The following NBAS variants were observed in gnomAD, a reference collection of about 807,000 sequenced individuals.
NBAS encodes the protein NAG/BC035112 fusion.
A neutral mutation model predicts 302.5 loss-of-function variants in NBAS; 219 were observed. That is an observed-to-expected ratio of 0.72 (90% CI 0.65 to 0.81). The LOEUF is 0.81. Ranked by LOEUF, NBAS falls within the 30% of genes least tolerant of loss-of-function variation. The pLI is 0.00. For missense variants in NBAS, 2,932 were observed against 2,841.6 expected (o/e 1.03, Z -0.72); for synonymous variants, 1,118 against 1,021.6 (o/e 1.09, Z -1.80).
At chr2:15,393,212 A>T (rs1462635723) in intron 28 of NBAS, among the ~76,000 whole-genome samples, 4 of 152,086 alleles carry the variant, frequency 2.6e-5, no homozygotes, top group African/African-American at 4.8e-5. Context: ...ATTAAAAGGC[A>T]AATTTTTAAA....
chr2:14,992,414 T>A, the NBAS span, among the ~76,000 whole-genome samples: 1 of 152,192 alleles, frequency 6.6e-6, no homozygotes, highest in East Asian at 1.9e-4. Flanking sequence ...ATACATCCTG[T>A]TGTGCCTAAG....
At chr2:14,822,241 T>C in the NBAS span, among the ~76,000 whole-genome samples, 1 of 152,158 alleles carries the variant, frequency 6.6e-6, no homozygotes, top group Non-Finnish European at 1.5e-5. Context: ...GTTTTTACTA[T>C]TGCCAGAAGG....
At chr2:15,146,199 C>T in the NBAS span, among the ~76,000 whole-genome samples, 1 of 152,048 alleles carries the variant, frequency 6.6e-6, no homozygotes, top group Non-Finnish European at 1.5e-5. Context: ...TCAGTGTCCC[C>T]ATTTGTGCAG....
At chr2:15,423,017 G>A (rs1012922214) in intron 23 of NBAS, among the ~76,000 whole-genome samples, 2 of 152,132 alleles carry the variant, frequency 1.3e-5, no homozygotes, top group Admixed American at 1.3e-4. Flanking sequence ...CTAGGTGCAC[G>A]TTACAACAAC....
In NBAS at chr2:15,366,682, G is replaced by C; in HGVS notation, c.3715C>G (p.Pro1239Ala). The change falls in exon 32 of 52, where the codon CCT becomes GCT. Residue 1239 changes from proline (P) to alanine (A), a missense_variant. By Grantham distance (27) the Pro-to-Ala change is conservative (BLOSUM62 -1). Transcript: ENST00000281513. ...TCCTTGATGAGACTGATCCGATCAGGGCACAATCGCACTACAAAAGAAAGA... is the reference window on the plus strand; with the variant it reads ...TCCTTGATGAGACTGATCCGATCAGCGCACAATCGCACTACAAAAGAAAGA... Reference protein sequence around the residue: ...KILPLQVRLCPDRISLIKECI... With the variant: ...KILPLQVRLCADRISLIKECI... The C allele has an allele frequency of 6.2e-7, 1 of 1,613,902 alleles. No individual in the cohort carries two copies. Among genetic ancestry groups the C allele is most frequent in the Non-Finnish European group, 8.5e-7 (1 of 1,179,912 alleles).
At chr2:15,126,169 C>T in the NBAS span, among the ~76,000 whole-genome samples, 8 of 152,060 alleles carry the variant, frequency 5.3e-5, no homozygotes, top group Non-Finnish European at 1.0e-4. Context: ...TATAAAAGAG[C>T]GTGGCACCTC....
the NBAS span, among the ~76,000 whole-genome samples, chr2:15,087,959 G>A: frequency 1.3e-5 from 2 of 152,232 alleles, no homozygotes; most frequent in African/African-American, 2.4e-5. Flanking sequence ...AGTGAAAATC[G>A]TTAAGAACAG....
At chr2:15,451,831 C>A (rs1052443010) in intron 21 of NBAS, among the ~76,000 whole-genome samples, 11 of 151,836 alleles carry the variant, frequency 7.2e-5, no homozygotes, top group African/African-American at 2.7e-4. Context: ...GGGATTCAGG[C>A]AAAAATAGTG....
At chr2:15,373,203 T>C (rs1335903798) in intron 31 of NBAS, among the ~76,000 whole-genome samples, 1 of 152,200 alleles carries the variant, frequency 6.6e-6, no homozygotes, top group Non-Finnish European at 1.5e-5. Flanking sequence ...TACAAATGAA[T>C]AAAATTTTCC....
chr2:15,051,031 T>C, the NBAS span, among the ~76,000 whole-genome samples: 17 of 152,294 alleles, frequency 1.1e-4, no homozygotes, highest in Middle Eastern at 3.4e-3. Context: ...ATATTACTTA[T>C]CCTTTTCTCT....
chr2:15,075,731 T>C, the NBAS span, among the ~76,000 whole-genome samples: 1 of 151,462 alleles, frequency 6.6e-6, no homozygotes, highest in Admixed American at 6.6e-5. Context: ...TGTAGTATGA[T>C]GCCATTTATG....
At chr2:15,319,699 G>A (rs1201938509) in intron 38 of NBAS, among the ~76,000 whole-genome samples, 1 of 151,850 alleles carries the variant, frequency 6.6e-6, no homozygotes, top group Admixed American at 6.5e-5. Context: ...AAACCAGGAA[G>A]AAGTTGACTC....
rs187511292 is a variant in NBAS at position 15,379,806 on chromosome 2, G to A, written c.3386C>T (p.Ser1129Phe). 12 of 1,614,022 alleles carry A rather than the reference G, an allele frequency of 7.4e-6. No homozygotes were observed. The highest frequency in any genetic ancestry group is 1.6e-4 in the Middle Eastern group (1 of 6,062). Reference protein sequence around the residue: ...YEIFTESLLCSSRLENIHLAG... With the variant: ...YEIFTESLLCFSRLENIHLAG... ...CAGGTGGATGTTTTCAAGGCGACTA[G>A]AGCACAGAAGGCTTTCTGTAAATAT... is the stretch of plus-strand genomic sequence containing the variant. The change falls in exon 30 of 52, where the codon TCT (serine) becomes TTT (phenylalanine). Residue 1129 changes from serine (S) to phenylalanine (F), a missense_variant. By Grantham distance (155) the Ser-to-Phe change is radical. Transcript: ENST00000281513.
intron 42 of NBAS, among the ~76,000 whole-genome samples, chr2:15,280,378 G>A (rs1293594237): frequency 6.6e-6 from 1 of 152,088 alleles, no homozygotes; most frequent in Non-Finnish European, 1.5e-5. Context: ...GTGAATGGGA[G>A]AAGGGAGAAG....
At chr2:15,151,187 A>G in the NBAS span, among the ~76,000 whole-genome samples, 4 of 152,240 alleles carry the variant, frequency 2.6e-5, no homozygotes, top group Admixed American at 6.5e-5. Flanking sequence ...GGAGGATTTA[A>G]TGATCAATCA....
At chr2:15,389,987 CA>C (rs1383880399) in intron 28 of NBAS, among the ~76,000 whole-genome samples, 1 of 152,176 alleles carries the variant, frequency 6.6e-6, no homozygotes, top group Admixed American at 6.5e-5. Flanking sequence ...GCAGATAAAG[CA>C]CATGCAGGAT....
At chr2:15,400,955 A>T (rs1676121584) in intron 26 of NBAS, among the ~76,000 whole-genome samples, 1 of 152,162 alleles carries the variant, frequency 6.6e-6, no homozygotes, top group Non-Finnish European at 1.5e-5. Flanking sequence ...GTTCAACCTA[A>T]AAGACTGATT....
At chr2:15,248,980 C>G (rs1473568440) in intron 44 of NBAS, among the ~76,000 whole-genome samples, 1 of 152,036 alleles carries the variant, frequency 6.6e-6, no homozygotes, top group Non-Finnish European at 1.5e-5. Flanking sequence ...ATCCTAATAC[C>G]AAAACCTGCC....
the NBAS span, among the ~76,000 whole-genome samples, chr2:14,879,260 A>G: frequency 6.6e-6 from 1 of 152,206 alleles, no homozygotes; most frequent in Admixed American, 6.5e-5. Flanking sequence ...AGCTGCCATA[A>G]GCATCCATGT....
Sources: allele counts gnomAD v4.1 joint callset (sites outside exome capture counted in the v4.1 genomes callset), GRCh38; gene constraint gnomAD v4.1.1; transcripts MANE v1.5; gene names NCBI Gene and HGNC (gene_info 2026-07-23, HGNC 2026-07-21).